Variants in PABPC4 observed in about 807,000 individuals in gnomAD.
PABPC4 encodes polyadenylate-binding protein 4.
A neutral mutation model predicts 74.5 loss-of-function variants in PABPC4; 15 were observed. The observed-to-expected ratio is 0.20, with a 90% CI of 0.13 to 0.31. The LOEUF is 0.31. Ranked by LOEUF, PABPC4 falls within the 10% of genes least tolerant of loss-of-function variation. The pLI is 1.00. For missense variants in PABPC4, 610 were observed against 853.5 expected (o/e 0.71, Z 3.55); for synonymous variants, 345 against 303.0 (o/e 1.14, Z -1.44).
chr1:39,568,109 T>G, intron 6 of PABPC4: 1 of 282,070 alleles, frequency 3.5e-6, no homozygotes, highest in Non-Finnish European at 6.7e-6. Context: ...TACAAAAAAT[T>G]AGCCAGGCAT....
chr1:39,561,490 A>C (rs1645768426), intron 15 of PABPC4, 195 bp downstream of exon 15: 1 of 576,960 alleles, frequency 1.7e-6, no homozygotes, highest in Non-Finnish European at 3.2e-6. Context: ...TTTATTATTC[A>C]CTCAAGCTCC....
chr1:39,572,514 C>G lies in PABPC4; in HGVS notation c.266G>C (p.Arg89Thr). The G allele has an allele frequency of 6.2e-7, 1 of 1,614,088 alleles. No individual in the cohort carries two copies. Among genetic ancestry groups the G allele is most frequent in the Non-Finnish European group, 8.5e-7 (1 of 1,179,954 alleles). The change falls in exon 2 of 16, where the codon AGG (arginine) becomes ACG (threonine). Residue 89 changes from arginine (R) to threonine (T), a missense_variant. Physicochemically the swap from Arg to Thr is moderately conservative, Grantham distance 71 (BLOSUM62 -1). Coordinates refer to ENST00000372858, the MANE Select transcript of PABPC4 (RefSeq NM_001135653.2). ...GKPIRIMWSQRDPSLRKSGVG... is the reference protein window; with the variant it reads ...GKPIRIMWSQTDPSLRKSGVG... Reference sequence around the variant, plus strand: ...ACCAGATTTTCTCAAAGAGGGATCCCTCTGAGACCACATGATGCGGATTGG... The same window carrying G: ...ACCAGATTTTCTCAAAGAGGGATCCGTCTGAGACCACATGATGCGGATTGG...
At chr1:39,562,526 G>A (rs1159419502) in intron 12 of PABPC4, 110 bp from the exon 13 acceptor site, 1 of 770,186 alleles carries the variant, frequency 1.3e-6, no homozygotes, top group African/African-American at 1.7e-5. Context: ...GAGGAGAGGA[G>A]GTGGCTGTCC....
rs1222797475 is a variant in PABPC4 at position 39,565,350 on chromosome 1, C to G, written c.1001G>C (p.Gly334Ala). The stretch of plus-strand genomic sequence containing the variant: ...AGATGAGAAGCAGACGAAGCCAAAC[C>G]CTTTGCTTCTTCCATCCTCCAGCAT... ...KVMLEDGRSK[G>A]FGFVCFSSPE... The change falls in exon 8 of 16, where the codon GGG (glycine) becomes GCG (alanine). Residue 334 changes from glycine to alanine, a missense_variant. Physicochemically the swap from Gly to Ala is moderately conservative, Grantham distance 60. Transcript: ENST00000372858. The G allele has an allele frequency of 6.2e-7, 1 of 1,612,880 alleles. No homozygotes were observed. The highest frequency in any genetic ancestry group is 1.7e-5 in the Admixed American group (1 of 60,002).
At position 39,566,383 on chromosome 1, in the gene PABPC4, G is replaced by A. The variant is rs116318205; in HGVS notation, c.973-1005C>T. The stretch of plus-strand genomic sequence containing the variant: ...CAATGAGATGACCAGCTCAGAGATA[G>A]GCAGCCTAGATTCTAGTCTCACTTG... On this transcript the variant is annotated intron_variant, in intron 7 of 15. Transcript: ENST00000372858. Among the ~76,000 whole-genome samples the A allele has an allele frequency of 4.3e-3, 659 of 152,262 alleles. 2 individuals are homozygous for A. The highest frequency in any genetic ancestry group is 7.0e-3 in the Non-Finnish European group (475 of 68,026).
Position 39,571,347 on chromosome 1 carries a change from C to G in PABPC4, c.390G>C (p.Val130=). 1 of 1,614,138 alleles carries G rather than the reference C, an allele frequency of 6.2e-7. No homozygotes were observed. Among genetic ancestry groups the G allele is most frequent in the Non-Finnish European group, 8.5e-7 (1 of 1,180,020 alleles). The part of the protein sequence containing the change: ...SAFGNILSCK[V]VCDENGSKGY... ...CCTTAGAGCCGTTCTCATCACACACCACCTGTCAAAGACAAGGCGGACCAC... is the reference window on the plus strand; with the variant it reads ...CCTTAGAGCCGTTCTCATCACACACGACCTGTCAAAGACAAGGCGGACCAC... Residue 130 remains valine (V), a splice_region_variant and synonymous_variant, in exon 3 of 16, where the codon GTG becomes GTC. Coordinates refer to ENST00000372858, the MANE Select transcript of PABPC4 (RefSeq NM_001135653.2).
rs371787556 is a variant in PABPC4 at position 39,571,218 on chromosome 1, G to A, written c.503+16C>T. The A allele has an allele frequency of 8.5e-5, 137 of 1,613,782 alleles. 1 individual carries two copies. The Middle Eastern group carries it at 1.5e-3, about 18-fold the overall frequency. ...TGGCTCATGCGATGGTTGTTGCTCC[G>A]GACTGGGACACTCACACTTTGCGGT... is the stretch of plus-strand genomic sequence containing the variant. On this transcript the variant is annotated intron_variant, in intron 3 of 15. Coordinates refer to ENST00000372858, the MANE Select transcript of PABPC4 (RefSeq NM_001135653.2).
At chr1:39,575,042 C>G (rs1000927522) in intron 1 of PABPC4, among the ~76,000 whole-genome samples, 1 of 152,206 alleles carries the variant, frequency 6.6e-6, no homozygotes, top group Non-Finnish European at 1.5e-5. Flanking sequence ...ACTGTTACAG[C>G]TGAGGTGACA....
chr1:39,564,673 C>A lies in PABPC4; in HGVS notation c.1333+13G>T. On this transcript the variant is annotated intron_variant, in intron 9 of 15. Transcript: ENST00000372858. Reference sequence around the variant, plus strand: ...ATATCCTGGGCTGTCAATTACTGTTCCCCACCACCTACCTTGAGGTCTCCC... The same window carrying A: ...ATATCCTGGGCTGTCAATTACTGTTACCCACCACCTACCTTGAGGTCTCCC... 1 of 1,613,274 alleles carries A rather than the reference C, an allele frequency of 6.2e-7. No individual in the cohort carries two copies. Among genetic ancestry groups the A allele is most frequent in the East Asian group, 2.2e-5 (1 of 44,872 alleles).
chr1:39,562,148 G>A lies in PABPC4; in HGVS notation c.1818C>T (p.Ile606=). The A allele has an allele frequency of 6.2e-7, 1 of 1,614,086 alleles. No homozygotes were observed. Among genetic ancestry groups the A allele is most frequent in the Non-Finnish European group, 8.5e-7 (1 of 1,179,946 alleles). Residue 606 remains isoleucine, a synonymous_variant, in exon 14 of 16, where the codon ATC becomes ATT. Coordinates refer to ENST00000372858, the MANE Select transcript of PABPC4 (RefSeq NM_001135653.2). The stretch of plus-strand genomic sequence containing the variant: ...TGTCTATCTCCAGCAGCATTCCCGT[G>A]ATCTTCCCAGCCAGATTTGAATGCA... ...QTMHSNLAGK[I]TGMLLEIDNS...
At chr1:39,562,516 G>A (rs1645780509) in intron 12 of PABPC4, 100 bp from the exon 13 acceptor site, 1 of 821,204 alleles carries the variant, frequency 1.2e-6, no homozygotes, top group Non-Finnish European at 2.0e-6. Context: ...CTATGTGAAA[G>A]AGGAGAGGAG....
intron 7 of PABPC4, 40 bp from the exon 8 acceptor site, chr1:39,565,418 C>A: frequency 6.3e-7 from 1 of 1,576,770 alleles, no homozygotes. Context: ...TAAGGTGTCC[C>A]TGGCTGGGTG....
At chr1:39,564,804 C>G in intron 8 of PABPC4, 31 bp from the exon 9 acceptor site, 1 of 1,534,062 alleles carries the variant, frequency 6.5e-7, no homozygotes. Context: ...CAAACACCCC[C>G]TTAAGGACTG....
At chr1:39,573,886 T>C (rs1645977532) in intron 1 of PABPC4, among the ~76,000 whole-genome samples, 2 of 152,118 alleles carry the variant, frequency 1.3e-5, no homozygotes, top group African/African-American at 4.8e-5. Flanking sequence ...AAAACACTTC[T>C]CATCACTAAT....
intron 9 of PABPC4, 46 bp from the exon 10 acceptor site, chr1:39,564,588 A>G: frequency 6.2e-7 from 1 of 1,613,086 alleles, no homozygotes; most frequent in Non-Finnish European, 8.5e-7. Context: ...GATGTGGACC[A>G]GAACCTAGGC....
intron 12 of PABPC4, 140 bp downstream of exon 12, chr1:39,563,474 C>A: frequency 9.0e-7 from 1 of 1,115,992 alleles, no homozygotes; most frequent in Non-Finnish European, 1.2e-6. Flanking sequence ...CCCTGAAGGG[C>A]AGGGACAGTG....
chr1:39,561,573 T>G (rs1645770362), intron 15 of PABPC4, 112 bp downstream of exon 15: 1 of 711,182 alleles, frequency 1.4e-6, no homozygotes, highest in African/African-American at 1.8e-5. Context: ...CTGTACTTAT[T>G]GTATTCCCAG....
intron 3 of PABPC4, 138 bp from the exon 4 acceptor site, chr1:39,570,140 G>A (rs2124460516): frequency 1.3e-6 from 1 of 796,328 alleles, no homozygotes; most frequent in African/African-American, 1.7e-5. Flanking sequence ...GAGGCTCAGA[G>A]ATACCCCAAG....
In PABPC4 at chr1:39,562,358, G is replaced by A; in HGVS notation, c.1727C>T (p.Ala576Val). The A allele has an allele frequency of 1.2e-6, 2 of 1,614,068 alleles. No individual in the cohort carries two copies. The highest frequency in any genetic ancestry group is 1.7e-6 in the Non-Finnish European group (2 of 1,180,014). Residue 576 changes from alanine to valine, a missense_variant, in exon 13 of 16, where the codon GCT (alanine) becomes GTT (valine). Physicochemically the swap from Ala to Val is moderately conservative, Grantham distance 64 (BLOSUM62 0). Transcript: ENST00000372858. Reference sequence around the variant, plus strand: ...CTTCTGTTCCTGGGGGGGTGCTGCAGCCAGCATGGAGGCAGTCAGTGGCTC... The same window carrying A: ...CTTCTGTTCCTGGGGGGGTGCTGCAACCAGCATGGAGGCAGTCAGTGGCTC... ...GQEPLTASML[A>V]AAPPQEQKQM...
Sources: gnomAD v4.1 joint callset for allele counts (sites outside exome capture counted in the v4.1 genomes callset) on GRCh38, gnomAD v4.1.1 for gene constraint, MANE v1.5 for transcripts, NCBI Gene and HGNC (gene_info 2026-07-23, HGNC 2026-07-21) for gene names.